The following GNPDA2 variants were observed in gnomAD, a reference collection of about 807,000 sequenced individuals.
The protein encoded by GNPDA2 is glcN6P deaminase 2.
GNPDA2 carries 24 observed loss-of-function variants against 27.0 expected under a neutral mutation model. The ratio of observed to expected loss-of-function variants is 0.89; its 90% CI spans 0.64 to 1.25. The LOEUF is 1.25. GNPDA2 is among the 50% of genes most tolerant of loss of function. The pLI, the probability that GNPDA2 is intolerant of heterozygous loss-of-function variation, is 0.00. For synonymous variants in GNPDA2, 94 were observed against 108.4 expected (o/e 0.87, Z 0.83); for missense variants, 286 against 335.1 (o/e 0.85, Z 1.14).
intron 4 of GNPDA2, among the ~76,000 whole-genome samples, chr4:44,713,745 C>A (rs961138687): frequency 6.6e-6 from 1 of 151,632 alleles, no homozygotes; most frequent in African/African-American, 2.4e-5. Context: ...CCGGGCATGG[C>A]GGCAAGTGCC....
In GNPDA2 at chr4:44,701,881, AATTT is replaced by A. The variant is rs1292093567; in HGVS notation, c.*1196_*1199del. The A allele has an allele frequency of 3.1e-6, 3 of 978,844 alleles. No individual in the cohort carries two copies. Among genetic ancestry groups the A allele is most frequent in the Middle Eastern group, 5.2e-4 (1 of 1,918 alleles). 60.6% of individuals were successfully genotyped at this position (978,844 alleles called of 1,614,324 possible). A position where few individuals can be genotyped will look rare whatever the true frequency, so the allele number is the denominator to read the frequency against. On this transcript the variant is annotated 3_prime_UTR_variant, in exon 7 of 7. Transcript: ENST00000295448. ...ACCCTATTACCAATTTTATTTCATT[AATTT>A]ATTTGCTATTTTAATATTTTAAGAA...
At chr4:44,722,997 AAAC>A (rs1049359487) in intron 1 of GNPDA2, among the ~76,000 whole-genome samples, 4 of 152,216 alleles carry the variant, frequency 2.6e-5, no homozygotes, top group African/African-American at 7.2e-5. Context: ...AAGAAAAAGA[AAAC>A]AAAGTGAACT....
chr4:44,720,050 A>G (rs1717571037), intron 2 of GNPDA2, among the ~76,000 whole-genome samples: 1 of 152,154 alleles, frequency 6.6e-6, no homozygotes, highest in Non-Finnish European at 1.5e-5. Context: ...TGGAAGAACA[A>G]TAAAAGAAAA....
rs759611935 is a variant in GNPDA2 at position 44,717,152 on chromosome 4, T to C, written c.370A>G (p.Lys124Glu). Residue 124 changes from lysine (K) to glutamate (E), a missense_variant, in exon 4 of 7, where the codon AAA becomes GAA. Lys to Glu is a moderately conservative substitution (Grantham distance 56). Coordinates refer to ENST00000295448, the MANE Select transcript of GNPDA2 (RefSeq NM_138335.3). ...LQAECDAFEN[K>E]IKEAGGIDLF... ...TCTATTCCTCCAGCTTCTTTTATTT[T>C]GTTTTCAAAAGCATCACATTCTGCT... 2 of 1,609,540 alleles carry C rather than the reference T, an allele frequency of 1.2e-6. No homozygotes were observed. Among genetic ancestry groups the C allele is most frequent in the Non-Finnish European group, 1.7e-6 (2 of 1,178,104 alleles).
chr4:44,705,958 A>G (rs1716579389), intron 6 of GNPDA2: 1 of 152,014 alleles, frequency 6.6e-6, no homozygotes, highest in Non-Finnish European at 1.5e-5. Context: ...ATATCTTATT[A>G]AATATTCACC....
rs1171925697 is a variant in GNPDA2 at position 44,717,170 on chromosome 4, A to C, written c.352T>G (p.Cys118Gly). The C allele has an allele frequency of 6.2e-7, 1 of 1,610,138 alleles. No individual in the cohort carries two copies. Among genetic ancestry groups the C allele is most frequent in the East Asian group, 2.2e-5 (1 of 44,726 alleles). The change falls in exon 4 of 7, where the codon TGT becomes GGT. Residue 118 changes from cysteine (C) to glycine (G), a missense_variant. By Grantham distance (159) the Cys-to-Gly change is radical. Coordinates refer to ENST00000295448, the MANE Select transcript of GNPDA2 (RefSeq NM_138335.3). The part of the protein sequence containing the change: ...DGNAADLQAE[C>G]DAFENKIKEA... Reference sequence around the variant, plus strand: ...TTTATTTTGTTTTCAAAAGCATCACATTCTGCTTGTAAATCTGCAGCATTC... The same window carrying C: ...TTTATTTTGTTTTCAAAAGCATCACCTTCTGCTTGTAAATCTGCAGCATTC...
At chr4:44,725,461 G>C (rs1717950221) in intron 1 of GNPDA2, among the ~76,000 whole-genome samples, 1 of 152,130 alleles carries the variant, frequency 6.6e-6, no homozygotes, top group Non-Finnish European at 1.5e-5. Flanking sequence ...TGAAGTCCAA[G>C]GAATCTCTGC....
Position 44,721,006 on chromosome 4 carries a change from T to C in GNPDA2, c.124+1078A>G, listed in dbSNP as rs148045045. ...AGAAACCACGTTCAACCCCAAGGGG[T>C]CACATATCAGAACTGAGGGTGCTGG... On this transcript the variant is annotated intron_variant, in intron 2 of 6. Transcript: ENST00000295448. Among the ~76,000 whole-genome samples the C allele has an allele frequency of 5.4e-4, 82 of 151,266 alleles. 1 individual carries two copies. In the East Asian group the frequency reaches 0.015, roughly 27 times the overall value.
In GNPDA2 at chr4:44,703,152, A is replaced by G. The variant is rs768037060; in HGVS notation, c.770-10T>C. The stretch of plus-strand genomic sequence containing the variant: ...TGCACATGCATTAGACCTTAAAGAA[A>G]AAAAGCACAGTTCTAGTTGTTTTTA... On this transcript the variant is annotated splice_polypyrimidine_tract_variant and intron_variant, in intron 6 of 6. Coordinates refer to ENST00000295448, the MANE Select transcript of GNPDA2 (RefSeq NM_138335.3). 3 of 1,605,346 alleles carry G rather than the reference A, an allele frequency of 1.9e-6. No individual in the cohort carries two copies. Among genetic ancestry groups the G allele is most frequent in the South Asian group, 1.1e-5 (1 of 88,534 alleles).
At chr4:44,703,261 A>T in intron 6 of GNPDA2, 119 bp from the exon 7 acceptor site, 1 of 1,428,280 alleles carries the variant, frequency 7.0e-7, no homozygotes, top group Non-Finnish European at 9.1e-7. Flanking sequence ...CCATCTTGAT[A>T]TAGTCAAGTT....
intron 4 of GNPDA2, among the ~76,000 whole-genome samples, chr4:44,716,409 G>C (rs950767997): frequency 6.6e-6 from 1 of 151,784 alleles, no homozygotes; most frequent in South Asian, 2.1e-4. Context: ...AGTTGATGTT[G>C]AACTATTCTT....
intron 6 of GNPDA2, chr4:44,705,572 AT>A: frequency 1.8e-6 from 1 of 558,800 alleles, no homozygotes; most frequent in Non-Finnish European, 2.3e-6. Flanking sequence ...CCACCCTTCT[AT>A]TTTAAATTAT....
At position 44,705,429 on chromosome 4, in the gene GNPDA2, C is replaced by G. The variant is rs946712378; in HGVS notation, c.770-2287G>C. On this transcript the variant is annotated intron_variant, in intron 6 of 6. Coordinates refer to ENST00000295448, the MANE Select transcript of GNPDA2 (RefSeq NM_138335.3). ...CCTGAAACCTCTTCAGAAATACAGA[C>G]AGCTCCAAAGTGGAAAATACTGTGT... 48 of 984,976 alleles carry G rather than the reference C, an allele frequency of 4.9e-5. No homozygotes were observed. In the African/African-American group the frequency reaches 7.7e-4, roughly 16 times the overall value. 61.0% of individuals were successfully genotyped at this position (984,976 alleles called of 1,614,324 possible).
At chr4:44,720,256 T>C (rs1010601352) in intron 2 of GNPDA2, among the ~76,000 whole-genome samples, 5 of 152,168 alleles carry the variant, frequency 3.3e-5, no homozygotes, top group Admixed American at 1.3e-4. Context: ...CTTTCCCATT[T>C]TGAAGACAAA....
chr4:44,709,159 GA>G (rs1387218515), intron 5 of GNPDA2, among the ~76,000 whole-genome samples: 9 of 151,676 alleles, frequency 5.9e-5, no homozygotes, highest in East Asian at 5.8e-4. Flanking sequence ...ATATACTGAG[GA>G]AAAAAAAGAC....
At chr4:44,722,353 T>C in intron 1 of GNPDA2, 111 bp from the exon 2 acceptor site, 1 of 754,892 alleles carries the variant, frequency 1.3e-6, no homozygotes, top group Non-Finnish European at 2.0e-6. Flanking sequence ...AATATACTGA[T>C]GATTTTTAAA....
At position 44,703,042 on chromosome 4, in the gene GNPDA2, T is replaced by C; in HGVS notation, c.*39A>G. ...AATTCATCTACTACTTAGTAAAAAGTGCTCTGTTCATTCAAGCTGAATTTT... is the reference window on the plus strand; with the variant it reads ...AATTCATCTACTACTTAGTAAAAAGCGCTCTGTTCATTCAAGCTGAATTTT... On this transcript the variant is annotated 3_prime_UTR_variant, in exon 7 of 7. Transcript: ENST00000295448. 6.2e-7 allele frequency: 1 copy of C among 1,606,854 alleles called. No individual in the cohort carries two copies.
chr4:44,713,158 C>T (rs1717076920), intron 4 of GNPDA2, among the ~76,000 whole-genome samples: 1 of 152,166 alleles, frequency 6.6e-6, no homozygotes, highest in Admixed American at 6.5e-5. Flanking sequence ...TTCTCTTCTG[C>T]CTTGCTCCCC....
intron 1 of GNPDA2, among the ~76,000 whole-genome samples, chr4:44,725,156 C>T (rs1340161111): frequency 6.6e-6 from 1 of 152,100 alleles, no homozygotes; most frequent in East Asian, 1.9e-4. Context: ...AAGCACTATG[C>T]TAGGTTCTGT....
Sources: allele counts gnomAD v4.1 joint callset (sites outside exome capture counted in the v4.1 genomes callset), GRCh38; gene constraint gnomAD v4.1.1; transcripts MANE v1.5; gene names NCBI Gene and HGNC (gene_info 2026-07-23, HGNC 2026-07-21).